Variants in LDLRAD4 observed in about 807,000 individuals in gnomAD.
The protein encoded by LDLRAD4 is low-density lipoprotein receptor class A domain-containing protein 4.
A neutral mutation model predicts 17.0 loss-of-function variants in LDLRAD4; 5 were observed. The ratio of observed to expected loss-of-function variants is 0.29; its 90% CI spans 0.15 to 0.62. LDLRAD4 has a LOEUF of 0.62. Ranked by LOEUF, LDLRAD4 falls within the 20% of genes least tolerant of loss-of-function variation. LDLRAD4 has a pLI of 0.84. For synonymous variants in LDLRAD4, 168 were observed against 171.8 expected, an observed-to-expected ratio of 0.98 and a Z score of 0.17; for missense variants, 340 against 424.7, an observed-to-expected ratio of 0.80 and a Z score of 1.75.
chr18:13,645,135 T>G lies in LDLRAD4; in HGVS notation c.399T>G (p.His133Gln). 1 of 1,607,854 alleles carries G rather than the reference T, an allele frequency of 6.2e-7. No homozygotes were observed. Among genetic ancestry groups the G allele is most frequent in the Non-Finnish European group, 8.5e-7 (1 of 1,176,014 alleles). Reference sequence around the variant, plus strand: ...TCCTCTTTTCCTTCCAGATCATGCATGCCCCGCGGTCCAGGGACAGGTTCA... The same window carrying G: ...TCCTCTTTTCCTTCCAGATCATGCAGGCCCCGCGGTCCAGGGACAGGTTCA... The change falls in exon 6 of 6, where the codon CAT becomes CAG. Residue 133 changes from histidine (H) to glutamine (Q), a missense_variant. His to Gln is a conservative substitution (Grantham distance 24, BLOSUM62 0). Coordinates refer to ENST00000359446, the Ensembl canonical transcript of LDLRAD4. This position sits in a 1 kb window ranked among gnomAD's most constrained non-coding sequence, Gnocchi z 5.7.
intron 2 of LDLRAD4, chr18:13,421,015 A>G (rs1441827054): frequency 6.6e-6 from 1 of 152,216 alleles, no homozygotes; most frequent in African/African-American, 2.4e-5. Context: ...GTACAGAGAA[A>G]GGCACGCCAG....
At chr18:13,325,231 G>T (rs1255550339) in intron 1 of LDLRAD4, among the ~76,000 whole-genome samples, 1 of 152,214 alleles carries the variant, frequency 6.6e-6, no homozygotes, top group Non-Finnish European at 1.5e-5. Context: ...TTGGCATAGT[G>T]AGTTCGGGGT....
intron 2 of LDLRAD4, among the ~76,000 whole-genome samples, chr18:13,402,727 C>T (rs995648153): frequency 6.6e-6 from 1 of 152,176 alleles, no homozygotes; most frequent in Admixed American, 6.5e-5. Flanking sequence ...TTTGGGGACT[C>T]TTCCATCATT....
Position 13,411,251 on chromosome 18 carries a change from C to CAA in LDLRAD4, c.40+23502_40+23503dup, listed in dbSNP as rs71174170. 3.5e-3 allele frequency among the ~76,000 whole-genome samples: 372 copies of CAA among 106,220 alleles called. 2 individuals are homozygous for CAA. The highest frequency in any genetic ancestry group is 0.011 in the African/African-American group (348 of 30,500). The allele number at this position is 106,220 out of a possible 152,430, so 69.7% of individuals were successfully genotyped here. On this transcript the variant is annotated intron_variant, in intron 2 of 5. Coordinates refer to ENST00000359446, the Ensembl canonical transcript of LDLRAD4. The stretch of plus-strand genomic sequence containing the variant: ...TGGGTGACAGAACCAGACCCTGTCT[C>CAA]AAAAAAAAAAAAAAGAAAGAAAAAA...
At chr18:13,637,402 G>A (rs1004582413) in intron 4 of LDLRAD4, among the ~76,000 whole-genome samples, 3 of 151,972 alleles carry the variant, frequency 2.0e-5, no homozygotes, top group Non-Finnish European at 2.9e-5. Flanking sequence ...TTAATGCAGC[G>A]CCCAACCTTA....
At chr18:13,372,685 G>A (rs920374613) in intron 1 of LDLRAD4, among the ~76,000 whole-genome samples, 32 of 152,212 alleles carry the variant, frequency 2.1e-4, no homozygotes, top group African/African-American at 7.5e-4. Context: ...TGGAATGGAA[G>A]TTGAATAAGA....
intron 1 of LDLRAD4, among the ~76,000 whole-genome samples, chr18:13,350,883 G>T (rs1240772396): frequency 1.3e-5 from 2 of 152,178 alleles, no homozygotes; most frequent in African/African-American, 4.8e-5. Flanking sequence ...TTATTAAATA[G>T]GGAATCCTTT....
At chr18:13,627,275 A>C (rs2148864024) in intron 4 of LDLRAD4, among the ~76,000 whole-genome samples, 1 of 152,340 alleles carries the variant, frequency 6.6e-6, no homozygotes, top group East Asian at 1.9e-4. Context: ...ATAAAAAAAT[A>C]AAAAATAAAA....
At chr18:13,493,489 T>C (rs1248390737) in intron 3 of LDLRAD4, among the ~76,000 whole-genome samples, 1 of 152,216 alleles carries the variant, frequency 6.6e-6, no homozygotes, top group African/African-American at 2.4e-5. Context: ...ACAAATCATG[T>C]TTCCTCTTTT....
intron 3 of LDLRAD4, among the ~76,000 whole-genome samples, chr18:13,447,215 G>A (rs935335681): frequency 2.2e-5 from 3 of 137,128 alleles, no homozygotes; most frequent in Non-Finnish European, 4.5e-5. Flanking sequence ...AAAACAAGAT[G>A]TGGAGGGCAA....
chr18:13,415,725 C>T (rs1428599969), intron 2 of LDLRAD4, among the ~76,000 whole-genome samples: 1 of 152,262 alleles, frequency 6.6e-6, no homozygotes, highest in Admixed American at 6.5e-5. Context: ...ATCCATCTTT[C>T]CCACTGGATT....
At chr18:13,236,965 G>A (rs1350822664) in intron 1 of LDLRAD4, among the ~76,000 whole-genome samples, 2 of 152,190 alleles carry the variant, frequency 1.3e-5, no homozygotes, top group Non-Finnish European at 1.5e-5. Context: ...TGTGCTTGGG[G>A]GCATAATGTG....
intron 3 of LDLRAD4, among the ~76,000 whole-genome samples, chr18:13,512,382 A>C (rs1346151634): frequency 6.6e-6 from 1 of 152,194 alleles, no homozygotes; most frequent in Non-Finnish European, 1.5e-5. Flanking sequence ...AAATAATCTC[A>C]AAACAGGAAC....
chr18:13,651,537 C>T (rs1160545230), exon 6 of LDLRAD4: 1 of 152,188 alleles, frequency 6.6e-6, no homozygotes, highest in African/African-American at 2.4e-5. Context: ...TTAGAAATTA[C>T]GTTTTGGATT....
intron 3 of LDLRAD4, among the ~76,000 whole-genome samples, chr18:13,547,048 A>G (rs2094375846): frequency 6.6e-6 from 1 of 152,182 alleles, no homozygotes; most frequent in African/African-American, 2.4e-5. Flanking sequence ...TTGATGCTAG[A>G]TAAGATTGCA....
At chr18:13,250,280 G>A (rs1266964474) in intron 1 of LDLRAD4, among the ~76,000 whole-genome samples, 1 of 151,964 alleles carries the variant, frequency 6.6e-6, no homozygotes, top group African/African-American at 2.4e-5. Flanking sequence ...TTTTTGCTCA[G>A]GATTGCTTTG....
At position 13,636,867 on chromosome 18, in the gene LDLRAD4, G is replaced by T. The variant is rs971213430; in HGVS notation, c.337-6492G>T. 2.0e-5 allele frequency among the ~76,000 whole-genome samples: 3 copies of T among 149,666 alleles called. No individual in the cohort carries two copies. The East Asian group carries it at 6.0e-4, about 30-fold the overall frequency. Reference sequence around the variant, plus strand: ...GGCTGAAGTACAGTGGCATGACCTCGGCTCACTGCAACCCCTGCCTCCTGG... The same window carrying T: ...GGCTGAAGTACAGTGGCATGACCTCTGCTCACTGCAACCCCTGCCTCCTGG... On this transcript the variant is annotated intron_variant, in intron 4 of 5. Coordinates refer to ENST00000359446, the Ensembl canonical transcript of LDLRAD4.
In LDLRAD4 at chr18:13,300,111, T is replaced by G. The variant is rs1405635717; in HGVS notation, c.-383+21923T>G. On this transcript the variant is annotated intron_variant, in intron 1 of 5. Transcript: ENST00000359446. The surrounding 1 kb of genome is among the most constrained non-coding windows in gnomAD (Gnocchi z 4.2). Reference sequence around the variant, plus strand: ...AGCCCATGTGGCTCTGCCCCATGCTTCACACATCTTGGTTCCTGCAAATTC... The same window carrying G: ...AGCCCATGTGGCTCTGCCCCATGCTGCACACATCTTGGTTCCTGCAAATTC... Among the ~76,000 whole-genome samples the G allele has an allele frequency of 6.6e-6, 1 of 152,182 alleles. No individual in the cohort carries two copies. The highest frequency in any genetic ancestry group is 1.9e-4 in the East Asian group (1 of 5,188).
At chr18:13,551,160 C>T (rs17612323) in intron 3 of LDLRAD4, among the ~76,000 whole-genome samples, 6,960 of 152,260 alleles carry the variant, frequency 0.046, 215 homozygotes, top group African/African-American at 0.067. Flanking sequence ...CCAACGGCCA[C>T]GAGCAAAATA....
Sources: allele counts gnomAD v4.1 joint callset (sites outside exome capture counted in the v4.1 genomes callset), GRCh38; gene constraint gnomAD v4.1.1; non-coding constraint Gnocchi (gnomAD v3.1); transcripts MANE v1.5; gene names NCBI Gene and HGNC (gene_info 2026-07-23, HGNC 2026-07-21).